The following SYNE2 variants were observed in gnomAD, a reference collection of about 807,000 sequenced individuals.
SYNE2 encodes nesprin-2.
A neutral mutation model predicts 856.3 loss-of-function variants in SYNE2; 431 were observed. The ratio of observed to expected loss-of-function variants is 0.50; its 90% CI spans 0.47 to 0.55. The LOEUF is 0.55. Ranked by LOEUF, SYNE2 falls within the 20% of genes least tolerant of loss-of-function variation. The pLI is 0.00. For synonymous variants in SYNE2, 2,923 were observed against 2,872.3 expected, an observed-to-expected ratio of 1.02 and a Z score of -0.56; for missense variants, 8,129 against 8,023.2, an observed-to-expected ratio of 1.01 and a Z score of -0.50.
chr14:63,977,959 A>G lies in SYNE2; in HGVS notation c.1348A>G (p.Lys450Glu). 1 of 1,614,082 alleles carries G rather than the reference A, an allele frequency of 6.2e-7. No individual in the cohort carries two copies. Among genetic ancestry groups the G allele is most frequent in the South Asian group, 1.1e-5 (1 of 91,076 alleles). ...GAACATTCTCCTTACCTTTGAAAAT[A>G]AGGATGAAAATCACTTGCCATTGGT... ...HSNILLTFEN[K>E]DENHLPLVPP... The change falls in exon 13 of 116, where the codon AAG becomes GAG. Residue 450 changes from lysine (K) to glutamate (E), a missense_variant. Lys to Glu is a moderately conservative substitution (Grantham distance 56). Transcript: ENST00000555002.
chr14:63,785,481 C>A (rs936634624), intron 1 of SYNE2, among the ~76,000 whole-genome samples: 20 of 151,370 alleles, frequency 1.3e-4, no homozygotes, highest in East Asian at 3.9e-4. Flanking sequence ...AACAAACAAA[C>A]AAAAAAAACA....
At chr14:63,888,629 G>A (rs181997905) in intron 1 of SYNE2, among the ~76,000 whole-genome samples, 2 of 152,306 alleles carry the variant, frequency 1.3e-5, no homozygotes, top group Admixed American at 1.3e-4. Flanking sequence ...CCAGTGTAGT[G>A]CCTGGAACAT....
chr14:63,964,106 C>T, intron 10 of SYNE2, 106 bp downstream of exon 10: 2 of 758,500 alleles, frequency 2.6e-6, no homozygotes, highest in Admixed American at 2.4e-5. Context: ...GTATTAAATT[C>T]ACTGAAAGTT....
intron 44 of SYNE2, 35 bp downstream of exon 44, chr14:64,030,094 A>G: frequency 6.3e-7 from 1 of 1,599,612 alleles, no homozygotes; most frequent in Non-Finnish European, 8.6e-7. Context: ...TAGACATTTA[A>G]AAAAAAAAAT....
intron 1 of SYNE2, among the ~76,000 whole-genome samples, chr14:63,855,715 G>A (rs1424827331): frequency 6.6e-6 from 1 of 152,162 alleles, no homozygotes; most frequent in Non-Finnish European, 1.5e-5. Context: ...TAGCACTTAT[G>A]GCTATATCAT....
chr14:64,143,163 G>C (rs756234860), intron 82 of SYNE2, among the ~76,000 whole-genome samples: 2 of 152,318 alleles, frequency 1.3e-5, no homozygotes, highest in South Asian at 2.1e-4. Context: ...TCACCCCCGG[G>C]TGTCTCCAAA....
intron 1 of SYNE2, among the ~76,000 whole-genome samples, chr14:63,836,118 C>A (rs1027769574): frequency 6.6e-6 from 1 of 152,142 alleles, no homozygotes; most frequent in Non-Finnish European, 1.5e-5. Flanking sequence ...ACTTCCTTGG[C>A]TCAGGTGATC....
At chr14:63,924,504 T>G in intron 2 of SYNE2, among the ~76,000 whole-genome samples, 1 of 152,248 alleles carries the variant, frequency 6.6e-6, no homozygotes, top group East Asian at 1.9e-4. Flanking sequence ...ATAGGCTATC[T>G]TTATATTTAC....
intron 1 of SYNE2, among the ~76,000 whole-genome samples, chr14:63,791,362 A>T (rs8008552): frequency 0.63 from 96,238 of 151,970 alleles, 30,942 homozygotes; most frequent in South Asian, 0.75. Flanking sequence ...ATTTCCTTAT[A>T]ATTTAAAATA....
intron 1 of SYNE2, among the ~76,000 whole-genome samples, chr14:63,772,902 C>T (rs1353658343): frequency 2.0e-5 from 3 of 151,348 alleles, no homozygotes; most frequent in South Asian, 2.1e-4. Flanking sequence ...CTCAGCCTCC[C>T]GAGTAGCTTG....
intron 45 of SYNE2, among the ~76,000 whole-genome samples, chr14:64,044,515 G>GA (rs201194465): frequency 0.075 from 11,399 of 152,200 alleles, 530 homozygotes; most frequent in African/African-American, 0.13. Context: ...GGCATGATTG[G>GA]TTTTGAAATG....
chr14:64,118,590 T>G (rs1347888369), intron 66 of SYNE2, among the ~76,000 whole-genome samples: 3 of 152,124 alleles, frequency 2.0e-5, no homozygotes, highest in Non-Finnish European at 2.9e-5. Flanking sequence ...AGGCGAGGCA[T>G]GGTGGTTCAT....
At chr14:63,819,371 A>G (rs1344129299) in intron 1 of SYNE2, among the ~76,000 whole-genome samples, 3 of 151,942 alleles carry the variant, frequency 2.0e-5, no homozygotes, top group Non-Finnish European at 1.5e-5. Context: ...AACTGGGATT[A>G]CAGGTGTCCG....
intron 27 of SYNE2, among the ~76,000 whole-genome samples, chr14:63,999,328 A>G (rs1222812688): frequency 6.6e-6 from 1 of 152,090 alleles, no homozygotes; most frequent in Non-Finnish European, 1.5e-5. Flanking sequence ...CTTTCTTTTT[A>G]TGCTTCAGGC....
intron 66 of SYNE2, among the ~76,000 whole-genome samples, chr14:64,116,882 G>C (rs982708284): frequency 3.9e-5 from 6 of 152,206 alleles, no homozygotes; most frequent in African/African-American, 1.2e-4. Flanking sequence ...TGAAAATCAT[G>C]AAACGTGTGG....
At position 64,128,512 on chromosome 14, in the gene SYNE2, TTGAA is replaced by T; in HGVS notation, c.13983_13986del (p.Asn4661LysfsTer31). On this transcript the variant is annotated frameshift_variant, in exon 74 of 116. Transcript: ENST00000555002. LOFTEE classifies it high-confidence loss of function. Reference sequence around the variant, plus strand: ...GAGTAAGACATCTTTACAACAGTCTTTGAATGAAATCAGTGGGCAGAGTGTTGCT... The same window carrying T: ...GAGTAAGACATCTTTACAACAGTCTTTGAAATCAGTGGGCAGAGTGTTGCT... The T allele has an allele frequency of 6.2e-7, 1 of 1,610,456 alleles. No individual in the cohort carries two copies. Among genetic ancestry groups the T allele is most frequent in the Non-Finnish European group, 8.5e-7 (1 of 1,176,600 alleles).
At chr14:63,987,130 C>A (rs1050397469) in intron 19 of SYNE2, among the ~76,000 whole-genome samples, 6 of 152,138 alleles carry the variant, frequency 3.9e-5, no homozygotes, top group Non-Finnish European at 7.3e-5. Flanking sequence ...GCGCGCACGC[C>A]TGTAGTCCCA....
At chr14:63,796,155 A>G (rs2078560) in intron 1 of SYNE2, among the ~76,000 whole-genome samples, 1,598 of 152,324 alleles carry the variant, frequency 0.01, 31 homozygotes, top group African/African-American at 0.036. Flanking sequence ...CTCTGCTAAT[A>G]TAAATCAAAT....
At chr14:63,804,215 T>C (rs1042722687) in intron 1 of SYNE2, among the ~76,000 whole-genome samples, 21 of 152,186 alleles carry the variant, frequency 1.4e-4, no homozygotes. Flanking sequence ...TTTTAATCAG[T>C]TTAATTTGGT....
Sources: gnomAD v4.1 joint callset for allele counts (sites outside exome capture counted in the v4.1 genomes callset) on GRCh38, gnomAD v4.1.1 for gene constraint, MANE v1.5 for transcripts, NCBI Gene and HGNC (gene_info 2026-07-23, HGNC 2026-07-21) for gene names.